The following NOTCH4 variants were observed in gnomAD, a reference collection of about 807,000 sequenced individuals.
The protein encoded by NOTCH4 is neurogenic locus notch homolog protein 4.
A neutral mutation model predicts 189.0 loss-of-function variants in NOTCH4; 138 were observed. The observed-to-expected ratio is 0.73, with a 90% CI of 0.64 to 0.84. The LOEUF is 0.84. NOTCH4 is among the 40% of genes least tolerant of loss of function. The pLI, the probability that NOTCH4 is intolerant of heterozygous loss-of-function variation, is 0.00. For missense variants in NOTCH4, 2,286 were observed against 2,605.4 expected, an observed-to-expected ratio of 0.88 and a Z score of 2.67; for synonymous variants, 942 against 1,032.8, an observed-to-expected ratio of 0.91 and a Z score of 1.69.
In NOTCH4 at chr6:32,201,340, G is replaced by C; in HGVS notation, c.3916C>G (p.Pro1306Ala). The change falls in exon 22 of 30, where the codon CCA (proline) becomes GCA (alanine). Residue 1306 changes from proline to alanine, a missense_variant. Physicochemically the swap from Pro to Ala is conservative, Grantham distance 27. Transcript: ENST00000375023. The surrounding 1 kb of genome is among the most constrained non-coding windows in gnomAD (Gnocchi z 5.5). ...SLALLVVLSP[P>A]ALDQQLFALA... is the part of the protein sequence containing the mutation. Reference sequence around the variant, plus strand: ...GCAAACAGCTGCTGGTCTAGGGCTGGGGGGCTCAGTACCACCAGCAGGGCC... The same window carrying C: ...GCAAACAGCTGCTGGTCTAGGGCTGCGGGGCTCAGTACCACCAGCAGGGCC... The C allele has an allele frequency of 6.2e-7, 1 of 1,611,512 alleles. No individual in the cohort carries two copies. The highest frequency in any genetic ancestry group is 2.2e-5 in the East Asian group (1 of 44,872).
Position 32,219,720 on chromosome 6 carries a change from C to T in NOTCH4, c.1382G>A (p.Cys461Tyr), listed in dbSNP as rs780911923. The change falls in exon 8 of 30, where the codon TGC becomes TAC. Residue 461 changes from cysteine to tyrosine, a missense_variant. This residue lies in a region of NOTCH4 where 1,903 missense variants were observed against 2,261.9 expected (regional missense o/e 0.84). Transcript: ENST00000375023. Reference sequence around the variant, plus strand: ...GCCTGTGTAGCCAGGTGGACAGAGGCAGTTGAAGGAGCCAGGAGTGTTGAG... The same window carrying T: ...GCCTGTGTAGCCAGGTGGACAGAGGTAGTTGAAGGAGCCAGGAGTGTTGAG... ...SCLNTPGSFN[C>Y]LCPPGYTGSR... 6 of 1,612,804 alleles carry T rather than the reference C, an allele frequency of 3.7e-6. No individual in the cohort carries two copies. Among genetic ancestry groups the T allele is most frequent in the Non-Finnish European group, 5.1e-6 (6 of 1,179,946 alleles).
chr6:32,220,469 G>T lies in NOTCH4; in HGVS notation c.1095C>A (p.Ala365=), dbSNP rs762106188. The T allele has an allele frequency of 5.0e-6, 8 of 1,613,860 alleles. No homozygotes were observed. The highest frequency in any genetic ancestry group is 4.5e-5 in the East Asian group (2 of 44,874). ...NLDDCIAATC[A]PGSTCIDRVG... is the part of the protein sequence containing the mutation. ...CCCGGTCAATGCAGGTGGATCCCGG[G>T]GCACAGGTGGCAGCAATACAGTCAT... Residue 365 remains alanine, a synonymous_variant, in exon 6 of 30, where the codon GCC becomes GCA. Coordinates refer to ENST00000375023, the MANE Select transcript of NOTCH4 (RefSeq NM_004557.4).
chr6:32,199,264 G>C lies in NOTCH4; in HGVS notation c.4316-119C>G. 1 of 722,198 alleles carries C rather than the reference G, an allele frequency of 1.4e-6. No homozygotes were observed. Among genetic ancestry groups the C allele is most frequent in the Non-Finnish European group, 2.2e-6 (1 of 447,370 alleles). The allele number at this position is 722,198 out of a possible 1,614,324, so 44.7% of individuals were successfully genotyped here. A position where few individuals can be genotyped will look rare whatever the true frequency, so the allele number is the denominator to read the frequency against. On this transcript the variant is annotated intron_variant, in intron 23 of 29. Coordinates refer to ENST00000375023, the MANE Select transcript of NOTCH4 (RefSeq NM_004557.4). This position sits in a 1 kb window ranked among gnomAD's most constrained non-coding sequence, Gnocchi z 4.9. ...GCCTCGGTTTCCTTATCTGCAAAAT[G>C]GGGATGATAATATAGATTGAGGTTG...
rs756218632 is a variant in NOTCH4, at chr6:32,222,666, G to A, written c.296C>T (p.Pro99Leu). ...GLPSSPSPLT[P>L]SFLCTCLPGF... Reference sequence around the variant, plus strand: ...AGGGAGGCAAGTGCACAAGAAGCTGGGTGTCAATGGAGAGGGAGAGCTGGG... The same window carrying A: ...AGGGAGGCAAGTGCACAAGAAGCTGAGTGTCAATGGAGAGGGAGAGCTGGG... The change falls in exon 3 of 30, where the codon CCC becomes CTC. Residue 99 changes from proline (P) to leucine (L), a missense_variant. Physicochemically the swap from Pro to Leu is moderately conservative, Grantham distance 98. Coordinates refer to ENST00000375023, the MANE Select transcript of NOTCH4 (RefSeq NM_004557.4). The A allele has an allele frequency of 1.9e-6, 3 of 1,604,756 alleles. No homozygotes were observed. The highest frequency in any genetic ancestry group is 1.1e-5 in the South Asian group (1 of 89,754).
At chr6:32,223,495 C>A (rs1280024935) in intron 1 of NOTCH4, among the ~76,000 whole-genome samples, 1 of 152,028 alleles carries the variant, frequency 6.6e-6, no homozygotes, top group Admixed American at 6.5e-5. Flanking sequence ...GTAGGCCTGA[C>A]CTTTCATGTC....
rs1582832293 is a variant in NOTCH4, at chr6:32,223,884, C to T, written c.45G>A (p.Leu15=). 3.8e-6 allele frequency: 2 copies of T among 524,046 alleles called. No homozygotes were observed. Among genetic ancestry groups the T allele is most frequent in the Non-Finnish European group, 4.7e-6 (2 of 423,350 alleles). 32.5% of individuals were successfully genotyped at this position (524,046 alleles called of 1,614,324 possible). A position where few individuals can be genotyped will look rare whatever the true frequency, so the allele number is the denominator to read the frequency against. ...SLLLLLLLLL[L]LCVSVVRPRG... ...TGGGTCTGACCACTGAGACACATAG[C>T]AGCAGCAGCAGCAGCAGCAGCAGCA... is the stretch of plus-strand genomic sequence containing the variant. Residue 15 remains leucine, a synonymous_variant, in exon 1 of 30, where the codon CTG becomes CTA. Coordinates refer to ENST00000375023, the MANE Select transcript of NOTCH4 (RefSeq NM_004557.4).
Position 32,201,022 on chromosome 6 carries a change from C to A in NOTCH4, c.4140-16G>T. On this transcript the variant is annotated splice_polypyrimidine_tract_variant and intron_variant, in intron 22 of 29. Transcript: ENST00000375023. This position sits in a 1 kb window ranked among gnomAD's most constrained non-coding sequence, Gnocchi z 5.5. ...CACCACAAACCTGTAGAGGAGGCACCTCAGAGACCTCTGTATTGGTCCCTG... is the reference window on the plus strand; with the variant it reads ...CACCACAAACCTGTAGAGGAGGCACATCAGAGACCTCTGTATTGGTCCCTG... The A allele has an allele frequency of 6.4e-7, 1 of 1,554,184 alleles. No individual in the cohort carries two copies. The highest frequency in any genetic ancestry group is 8.7e-7 in the Non-Finnish European group (1 of 1,150,626).
At chr6:32,218,430 G>A (rs1789552097) in intron 8 of NOTCH4, among the ~76,000 whole-genome samples, 1 of 152,172 alleles carries the variant, frequency 6.6e-6, no homozygotes, top group Admixed American at 6.5e-5. Flanking sequence ...GGACCTCAAG[G>A]TACAAATAGG....
At chr6:32,204,482 A>C in intron 18 of NOTCH4, 93 bp from the exon 19 acceptor site, 1 of 1,399,340 alleles carries the variant, frequency 7.1e-7, no homozygotes, top group Non-Finnish European at 9.8e-7. Context: ...CCAGTCCCCC[A>C]CCTTCCAGCT....
chr6:32,201,388 C>T lies in NOTCH4; in HGVS notation c.3868G>A (p.Asp1290Asn). The change falls in exon 22 of 30, where the codon GAC becomes AAC. Residue 1290 changes from aspartate to asparagine, a missense_variant. Physicochemically the swap from Asp to Asn is conservative, Grantham distance 23. Around this residue, in one of 2 missense-constraint regions of NOTCH4, gnomAD observed 1,903 missense variants for 2,261.9 expected, o/e 0.84. Coordinates refer to ENST00000375023, the MANE Select transcript of NOTCH4 (RefSeq NM_004557.4). The surrounding 1 kb of genome is among the most constrained non-coding windows in gnomAD (Gnocchi z 5.5). ...DGGDCRPEDGDPEWGPSLALL... is the reference protein window; with the variant it reads ...DGGDCRPEDGNPEWGPSLALL... The stretch of plus-strand genomic sequence containing the variant: ...GCCAGGGAGGGCCCCCACTCTGGGT[C>T]CCCATCTTCAGGCCTGCAGTCACCT... 6.3e-7 allele frequency: 1 copy of T among 1,585,726 alleles called. No homozygotes were observed. The highest frequency in any genetic ancestry group is 1.3e-5 in the African/African-American group (1 of 74,298).
chr6:32,214,043 C>T (rs1789208485), intron 13 of NOTCH4, 67 bp downstream of exon 13: 6 of 1,544,128 alleles, frequency 3.9e-6, no homozygotes, highest in African/African-American at 1.4e-5. Context: ...GGCCCGTGGT[C>T]GCCTGCCTTA....
Position 32,214,010 on chromosome 6 carries a change from C to T in NOTCH4, c.2167+100G>A. On this transcript the variant is annotated intron_variant, in intron 13 of 29. Transcript: ENST00000375023. ...CCCGTGTCCCCTGCAGTCCAGTTCT[C>T]CTTAGTGGTGACTGAGACTCAGGGC... 2.7e-6 allele frequency: 4 copies of T among 1,468,458 alleles called. No homozygotes were observed. In the East Asian group the frequency reaches 9.1e-5, roughly 33 times the overall value. The allele number at this position is 1,468,458 out of a possible 1,614,324, so 91.0% of individuals were successfully genotyped here.
chr6:32,197,685 G>C, intron 26 of NOTCH4, 91 bp from the exon 27 acceptor site: 1 of 1,185,304 alleles, frequency 8.4e-7, no homozygotes, highest in Non-Finnish European at 1.2e-6. Context: ...AAAACCTGAG[G>C]TGTTGGGAAG....
At chr6:32,207,982 C>T (rs1215604613) in intron 18 of NOTCH4, among the ~76,000 whole-genome samples, 1 of 139,882 alleles carries the variant, frequency 7.1e-6, no homozygotes, top group Non-Finnish European at 1.5e-5. Context: ...CCAGCCCAGG[C>T]GACGGTGCAA....
Position 32,200,295 on chromosome 6 carries a change from C to T in NOTCH4, c.4315+536G>A, listed in dbSNP as rs1418728915. ...GCGCGATCTCGGCTCACTGCAAGCT[C>T]CACCTCCCAGGTTCACGCCATTCTC... On this transcript the variant is annotated intron_variant, in intron 23 of 29. Transcript: ENST00000375023. This position sits in a 1 kb window ranked among gnomAD's most constrained non-coding sequence, Gnocchi z 5.0. 6.6e-6 allele frequency among the ~76,000 whole-genome samples: 1 copy of T among 151,720 alleles called. No individual in the cohort carries two copies. The highest frequency in any genetic ancestry group is 1.5e-5 in the Non-Finnish European group (1 of 67,972).
chr6:32,213,854 G>A lies in NOTCH4; in HGVS notation c.2168-14C>T. The A allele has an allele frequency of 1.9e-6, 3 of 1,611,208 alleles. No homozygotes were observed. Among genetic ancestry groups the A allele is most frequent in the South Asian group, 1.1e-5 (1 of 90,988 alleles). ...TACAGGTGGGTCCTGAAGGAAACAG[G>A]TGGGGGCTGAGAAAGGGTGTCCTCC... On this transcript the variant is annotated splice_polypyrimidine_tract_variant and intron_variant, in intron 13 of 29. Coordinates refer to ENST00000375023, the MANE Select transcript of NOTCH4 (RefSeq NM_004557.4).
Position 32,196,044 on chromosome 6 carries a change from G to A in NOTCH4, c.5405C>T (p.Ala1802Val), listed in dbSNP as rs780905357. The change falls in exon 30 of 30, where the codon GCG (alanine) becomes GTG (valine). Residue 1802 changes from alanine (A) to valine (V), a missense_variant. Physicochemically the swap from Ala to Val is moderately conservative, Grantham distance 64. Around this residue, in one of 2 missense-constraint regions of NOTCH4, gnomAD observed 383 missense variants for 343.5 expected, o/e 1.11. Coordinates refer to ENST00000375023, the MANE Select transcript of NOTCH4 (RefSeq NM_004557.4). ...ACGTTGGTGAGCGACGTCCGCCGGC[G>A]CTAGCCCAGCCTGGTCCCGCAGCTC... Reference protein sequence around the residue: ...ARELRDQAGLAPADVAHQRNH... With the variant: ...ARELRDQAGLVPADVAHQRNH... The A allele has an allele frequency of 6.3e-7, 1 of 1,594,382 alleles. No homozygotes were observed. Among genetic ancestry groups the A allele is most frequent in the Non-Finnish European group, 8.5e-7 (1 of 1,177,118 alleles).
At position 32,199,500 on chromosome 6, in the gene NOTCH4, C is replaced by A. The variant is rs1362377841; in HGVS notation, c.4316-355G>T. 6.6e-6 allele frequency among the ~76,000 whole-genome samples: 1 copy of A among 151,954 alleles called. No homozygotes were observed. The highest frequency in any genetic ancestry group is 1.5e-5 in the Non-Finnish European group (1 of 67,986). On this transcript the variant is annotated intron_variant, in intron 23 of 29. Coordinates refer to ENST00000375023, the MANE Select transcript of NOTCH4 (RefSeq NM_004557.4). The surrounding 1 kb of genome is among the most constrained non-coding windows in gnomAD (Gnocchi z 4.9). The stretch of plus-strand genomic sequence containing the variant: ...CGGGTGGATCATGAGGTCAGGAGAT[C>A]GAGACCATCCTGGCTAACATGGTGA...
Position 32,217,903 on chromosome 6 carries a change from G to A in NOTCH4, c.1624+92C>T, listed in dbSNP as rs1341204878. ...GGACTCCTTGGCTTGGCTAGAGAGA[G>A]CTTCAAGTGGCCTTGGGTGATTGCT... On this transcript the variant is annotated intron_variant, in intron 9 of 29. Transcript: ENST00000375023. This position sits in a 1 kb window ranked among gnomAD's most constrained non-coding sequence, Gnocchi z 4.2. 5.0e-6 allele frequency: 4 copies of A among 796,626 alleles called. No individual in the cohort carries two copies. The highest frequency in any genetic ancestry group is 8.6e-6 in the Non-Finnish European group (4 of 465,004). 49.3% of individuals were successfully genotyped at this position (796,626 alleles called of 1,614,324 possible).
Sources: gnomAD v4.1 joint callset for allele counts (sites outside exome capture counted in the v4.1 genomes callset) on GRCh38, gnomAD v4.1.1 for gene constraint, gnomAD v4.1.1 regional missense constraint, Gnocchi (gnomAD v3.1) non-coding constraint, MANE v1.5 for transcripts, NCBI Gene and HGNC (gene_info 2026-07-23, HGNC 2026-07-21) for gene names.